The following SH3BP2 variants were observed in gnomAD, a reference collection of about 807,000 sequenced individuals.
The protein encoded by SH3BP2 is SH3 domain binding protein 2.
SH3BP2 carries 38 observed loss-of-function variants against 56.2 expected under a neutral mutation model. The observed-to-expected ratio is 0.68, with a 90% CI of 0.52 to 0.89. The LOEUF (loss-of-function observed/expected upper bound fraction) is 0.89, where lower values mean the gene tolerates loss of function less well. Ranked by LOEUF, SH3BP2 falls within the 40% of genes least tolerant of loss-of-function variation. The pLI is 0.00. For synonymous variants in SH3BP2, 346 were observed against 316.7 expected (o/e 1.09, Z -0.98); for missense variants, 748 against 762.6 (o/e 0.98, Z 0.23).
intron 1 of SH3BP2, chr4:2,812,352 A>G: frequency 1.9e-6 from 3 of 1,550,144 alleles, no homozygotes; most frequent in African/African-American, 1.4e-5. Context: ...CAGGCCTCAC[A>G]TGTCTGGGAG....
intron 11 of SH3BP2, 63 bp downstream of exon 11, chr4:2,832,475 G>A (rs1725043440): frequency 2.3e-6 from 3 of 1,302,016 alleles, no homozygotes; most frequent in African/African-American, 1.4e-5. Context: ...GGCTGTGGGT[G>A]GGCCCAGGAC....
At position 2,833,967 on chromosome 4, in the gene SH3BP2, A is replaced by G. The variant is rs1725142090; in HGVS notation, c.*133A>G. On this transcript the variant is annotated 3_prime_UTR_variant, in exon 13 of 13. Coordinates refer to ENST00000503393, the MANE Select transcript of SH3BP2 (RefSeq NM_001122681.2). ...CTTGCCTAGGGCCTCTGTGATGGAC[A>G]TCTCGTAGGACCCAGCCAGTCTCAT... is the stretch of plus-strand genomic sequence containing the variant. 5 of 1,092,698 alleles carry G rather than the reference A, an allele frequency of 4.6e-6. No homozygotes were observed. The highest frequency in any genetic ancestry group is 6.4e-6 in the Non-Finnish European group (5 of 778,284). The allele number at this position is 1,092,698 out of a possible 1,614,324, so 67.7% of individuals were successfully genotyped here.
At chr4:2,830,317 G>A (rs543431359) in intron 8 of SH3BP2, among the ~76,000 whole-genome samples, 170 bp downstream of exon 8, 23 of 152,346 alleles carry the variant, frequency 1.5e-4, no homozygotes, top group African/African-American at 5.1e-4. Context: ...TTGGTGGAAC[G>A]TGGAGCATGT....
intron 1 of SH3BP2, chr4:2,818,688 C>T (rs1037832166): frequency 5.0e-6 from 5 of 998,224 alleles, no homozygotes; most frequent in Non-Finnish European, 6.0e-6. Context: ...GGGCGGGCGG[C>T]GGGGTGTGGC....
intron 12 of SH3BP2, chr4:2,833,491 A>G (rs1463290912): frequency 6.1e-6 from 4 of 660,318 alleles, no homozygotes; most frequent in Non-Finnish European, 1.1e-5. Flanking sequence ...GCTCCTGGAC[A>G]TGGAGGACGG....
rs1376695321 is a variant in SH3BP2 at position 2,836,679 on chromosome 4, T to C, written c.*2845T>C. 6.6e-6 allele frequency: 1 copy of C among 152,272 alleles called. No homozygotes were observed. The highest frequency in any genetic ancestry group is 1.9e-4 in the East Asian group (1 of 5,188). The allele number at this position is 152,272 out of a possible 1,614,324, so 9.4% of individuals were successfully genotyped here. On this transcript the variant is annotated 3_prime_UTR_variant, in exon 13 of 13. Coordinates refer to ENST00000503393, the MANE Select transcript of SH3BP2 (RefSeq NM_001122681.2). ...GCTCCCAGGGCTAGGGTTAGGGCTC[T>C]GGAGGTGCTTTCACTCAACCAAGGG...
chr4:2,801,592 C>G (rs931011776), intron 1 of SH3BP2, among the ~76,000 whole-genome samples: 2 of 152,142 alleles, frequency 1.3e-5, no homozygotes, highest in African/African-American at 4.8e-5. Flanking sequence ...AGCAGAGGGG[C>G]TGGCCTGTCG....
In SH3BP2 at chr4:2,831,791, G is replaced by C; in HGVS notation, c.1350+112G>C. 1 of 1,359,832 alleles carries C rather than the reference G, an allele frequency of 7.4e-7. No homozygotes were observed. Among genetic ancestry groups the C allele is most frequent in the Non-Finnish European group, 1.0e-6 (1 of 971,026 alleles). The allele number at this position is 1,359,832 out of a possible 1,614,324, so 84.2% of individuals were successfully genotyped here. A position where few individuals can be genotyped will look rare whatever the true frequency, so the allele number is the denominator to read the frequency against. On this transcript the variant is annotated intron_variant, in intron 9 of 12. Coordinates refer to ENST00000503393, the MANE Select transcript of SH3BP2 (RefSeq NM_001122681.2). The surrounding 1 kb of genome is among the most constrained non-coding windows in gnomAD (Gnocchi z 4.1). Reference sequence around the variant, plus strand: ...ACCGTCCTGAGCAAGGACCCCCCGAGAACCCGGGAGCCTAGGGGGACACAG... The same window carrying C: ...ACCGTCCTGAGCAAGGACCCCCCGACAACCCGGGAGCCTAGGGGGACACAG...
intron 1 of SH3BP2, among the ~76,000 whole-genome samples, chr4:2,793,500 G>C (rs906754447): frequency 1.1e-4 from 16 of 151,050 alleles, no homozygotes; most frequent in Admixed American, 6.6e-4. Context: ...GCCCGAGGGA[G>C]CGCGGCTTCG....
chr4:2,796,507 A>G (rs568691632), intron 1 of SH3BP2: 1 of 960,340 alleles, frequency 1.0e-6, no homozygotes, highest in Admixed American at 6.2e-5. Context: ...TTCCGGTCAC[A>G]TCTGGTCCAT....
intron 1 of SH3BP2, among the ~76,000 whole-genome samples, chr4:2,798,249 T>C: frequency 6.6e-6 from 1 of 152,304 alleles, no homozygotes; most frequent in East Asian, 1.9e-4. Flanking sequence ...GCTTTCTTTC[T>C]CTGTAGCTGC....
chr4:2,827,127 CT>C (rs1724706644), intron 5 of SH3BP2, 102 bp from the exon 6 acceptor site: 1 of 851,678 alleles, frequency 1.2e-6, no homozygotes, highest in Admixed American at 1.8e-5. Flanking sequence ...ATCTGTGTAT[CT>C]GTCCATGTAT....
At chr4:2,800,034 C>T (rs959865068) in intron 1 of SH3BP2, among the ~76,000 whole-genome samples, 6 of 151,794 alleles carry the variant, frequency 4.0e-5, no homozygotes, top group African/African-American at 1.5e-4. Flanking sequence ...GGAGCTCGGG[C>T]GGGGTCTGGG....
At chr4:2,793,322 G>A (rs1178991158) in intron 1 of SH3BP2, among the ~76,000 whole-genome samples, 184 bp downstream of exon 1, 2 of 144,940 alleles carry the variant, frequency 1.4e-5, no homozygotes, top group Non-Finnish European at 1.5e-5. Flanking sequence ...GGAGTCTCCG[G>A]GGAGTCTCAG....
intron 5 of SH3BP2, among the ~76,000 whole-genome samples, chr4:2,825,914 G>A (rs936402723): frequency 6.6e-6 from 1 of 152,216 alleles, no homozygotes; most frequent in Non-Finnish European, 1.5e-5. Context: ...CTCTGGATTG[G>A]GACTTCCTGG....
Position 2,827,685 on chromosome 4 carries a change from C to A in SH3BP2, c.586+11C>A. ...CCGGAAGGCTTGAGGGTAGGTGGGG[C>A]GGGTGGGCCCGGGGAGCTCTGGGTG... On this transcript the variant is annotated intron_variant, in intron 7 of 12. Transcript: ENST00000503393. 3 of 688,332 alleles carry A rather than the reference C, an allele frequency of 4.4e-6. No individual in the cohort carries two copies. The highest frequency in any genetic ancestry group is 7.6e-6 in the Non-Finnish European group (3 of 397,320). 42.6% of individuals were successfully genotyped at this position (688,332 alleles called of 1,614,324 possible).
At chr4:2,797,778 G>A (rs1209504154) in intron 1 of SH3BP2, among the ~76,000 whole-genome samples, 2 of 152,174 alleles carry the variant, frequency 1.3e-5, no homozygotes, top group Admixed American at 6.5e-5. Context: ...TGGTGCCCAC[G>A]TGGGCCTGTC....
chr4:2,822,581 C>T (rs1724367609), intron 2 of SH3BP2, among the ~76,000 whole-genome samples: 1 of 152,206 alleles, frequency 6.6e-6, no homozygotes, highest in Non-Finnish European at 1.5e-5. Context: ...CTCCAACAGC[C>T]CTGCAGCACC....
intron 1 of SH3BP2, chr4:2,793,715 A>T (rs1722972437): frequency 6.6e-6 from 1 of 152,106 alleles, no homozygotes; most frequent in Non-Finnish European, 1.5e-5. Context: ...CGCTTCACGG[A>T]GGGCAAGAAA....
Sources: gnomAD v4.1 joint callset for allele counts (sites outside exome capture counted in the v4.1 genomes callset) on GRCh38, gnomAD v4.1.1 for gene constraint, Gnocchi (gnomAD v3.1) non-coding constraint, MANE v1.5 for transcripts, NCBI Gene and HGNC (gene_info 2026-07-23, HGNC 2026-07-21) for gene names.